The following OTOGL variants were observed in gnomAD, a reference collection of about 807,000 sequenced individuals.
The protein encoded by OTOGL is otogelin like.
Under a neutral mutation model 318.5 loss-of-function variants are expected in OTOGL, and 285 were observed. The ratio of observed to expected loss-of-function variants is 0.89; its 90% CI spans 0.81 to 0.99. The LOEUF (loss-of-function observed/expected upper bound fraction) is 0.99. Ranked by LOEUF, OTOGL falls within the 50% of genes least tolerant of loss-of-function variation. The pLI is 0.00. For synonymous variants in OTOGL, 987 were observed against 936.5 expected, an observed-to-expected ratio of 1.05 and a Z score of -0.99; for missense variants, 2,899 against 2,845.6, an observed-to-expected ratio of 1.02 and a Z score of -0.43.
At chr12:80,225,550 T>G (rs1878756864) in intron 7 of OTOGL, among the ~76,000 whole-genome samples, 1 of 152,142 alleles carries the variant, frequency 6.6e-6, no homozygotes, top group Non-Finnish European at 1.5e-5. Context: ...TGAAAAATGT[T>G]AAAATTATCA....
intron 22 of OTOGL, among the ~76,000 whole-genome samples, chr12:80,269,224 G>C (rs1423070993): frequency 6.6e-6 from 1 of 152,128 alleles, no homozygotes; most frequent in Non-Finnish European, 1.5e-5. Flanking sequence ...CTTAAATATA[G>C]AACATATGAT....
rs1362039339 is a variant in OTOGL at position 80,379,796 on chromosome 12, A to T, written c.*1748A>T. ...AACATTCTCCTAGAACTTTATAAAC[A>T]TTCAACAAATACAGCAAATAAGCAT... On this transcript the variant is annotated 3_prime_UTR_variant, in exon 59 of 59. Transcript: ENST00000547103. 1 of 151,980 alleles carries T rather than the reference A, an allele frequency of 6.6e-6. No individual in the cohort carries two copies. The highest frequency in any genetic ancestry group is 2.1e-4 in the South Asian group (1 of 4,830). The allele number at this position is 151,980 out of a possible 1,614,324, so 9.4% of individuals were successfully genotyped here. A position where few individuals can be genotyped will look rare whatever the true frequency, so the allele number is the denominator to read the frequency against.
chr12:80,117,238 G>A (rs932624090), intron 1 of OTOGL, among the ~76,000 whole-genome samples: 13 of 138,128 alleles, frequency 9.4e-5, no homozygotes, highest in Non-Finnish European at 1.6e-4. Context: ...AAATAGAGGC[G>A]ATAAGCTATC....
chr12:80,296,894 G>A lies in OTOGL; in HGVS notation c.2996G>A (p.Cys999Tyr). Residue 999 changes from cysteine (C) to tyrosine (Y), a missense_variant, in exon 27 of 59, where the codon TGT becomes TAT. Around this residue, in one of 3 missense-constraint regions of OTOGL, gnomAD observed 2,607 missense variants for 2,524.9 expected, o/e 1.03. Coordinates refer to ENST00000547103, the MANE Select transcript of OTOGL (RefSeq NM_001378609.3). ...AAATGCTTTGACAACGATATTGTTT[G>A]TTCTAAAAGTGTTTTGATTTCAGTT... ...NKKCFDNDIV[C>Y]SKSVLISVGD... The A allele has an allele frequency of 6.5e-7, 1 of 1,536,958 alleles. No homozygotes were observed. The highest frequency in any genetic ancestry group is 1.2e-5 in the South Asian group (1 of 84,100).
intron 7 of OTOGL, 72 bp from the exon 8 acceptor site, chr12:80,229,185 A>G: frequency 4.0e-6 from 6 of 1,490,676 alleles, no homozygotes; most frequent in Non-Finnish European, 5.5e-6. Flanking sequence ...GATTGTAAAC[A>G]TACATTGTGG....
intron 1 of OTOGL, among the ~76,000 whole-genome samples, chr12:80,185,327 G>A (rs540997524): frequency 1.3e-5 from 2 of 152,228 alleles, no homozygotes; most frequent in East Asian, 1.9e-4. Context: ...CTGTTGCCCA[G>A]TCTGGAGTGC....
chr12:80,368,996 A>T (rs10862097), intron 55 of OTOGL, among the ~76,000 whole-genome samples: 3 of 151,210 alleles, frequency 2.0e-5, no homozygotes, highest in Non-Finnish European at 4.4e-5. Context: ...TGATATGGTG[A>T]GAAAGTAGTG....
At chr12:80,114,482 G>A (rs145674813) in intron 1 of OTOGL, among the ~76,000 whole-genome samples, 55 of 152,248 alleles carry the variant, frequency 3.6e-4, no homozygotes, top group African/African-American at 7.0e-4. Flanking sequence ...CAAGAGATCT[G>A]CATTAGTCTG....
At chr12:80,275,348 G>T (rs1157080093) in intron 24 of OTOGL, among the ~76,000 whole-genome samples, 1 of 151,874 alleles carries the variant, frequency 6.6e-6, no homozygotes, top group African/African-American at 2.4e-5. Context: ...CAGATGCAAA[G>T]GAAATAGCAA....
chr12:80,208,963 T>C (rs1877025880), intron 1 of OTOGL, among the ~76,000 whole-genome samples: 1 of 152,130 alleles, frequency 6.6e-6, no homozygotes, highest in African/African-American at 2.4e-5. Flanking sequence ...CTAGGAAAGA[T>C]TGACAGGGTT....
intron 1 of OTOGL, among the ~76,000 whole-genome samples, chr12:80,148,182 C>T (rs369164750): frequency 3.8e-4 from 58 of 151,190 alleles, no homozygotes; most frequent in East Asian, 3.3e-3. Flanking sequence ...GATTTTGCAG[C>T]GGCTGGTACC....
chr12:80,158,163 G>C (rs1306863481), intron 1 of OTOGL, among the ~76,000 whole-genome samples: 7 of 152,050 alleles, frequency 4.6e-5, no homozygotes, highest in African/African-American at 1.7e-4. Flanking sequence ...AAAAACAACA[G>C]TGTTTTAAAA....
At chr12:80,333,385 A>G (rs1044703546) in intron 38 of OTOGL, among the ~76,000 whole-genome samples, 2 of 151,492 alleles carry the variant, frequency 1.3e-5, no homozygotes, top group Admixed American at 6.6e-5. Flanking sequence ...TTAAGCATCT[A>G]CTTGATGTCA....
chr12:80,132,536 C>G (rs890470542), intron 1 of OTOGL: 4 of 152,116 alleles, frequency 2.6e-5, no homozygotes, highest in African/African-American at 9.7e-5. Flanking sequence ...TACTTCATAC[C>G]CTTCCCTAGA....
At chr12:80,127,307 G>C (rs1199437397) in intron 1 of OTOGL, among the ~76,000 whole-genome samples, 5 of 152,146 alleles carry the variant, frequency 3.3e-5, no homozygotes, top group African/African-American at 9.6e-5. Context: ...ATGAAGCTTA[G>C]TTTGGCTGGA....
At chr12:80,256,063 G>A (rs1882007450) in intron 16 of OTOGL, among the ~76,000 whole-genome samples, 1 of 151,824 alleles carries the variant, frequency 6.6e-6, no homozygotes, top group Admixed American at 6.6e-5. Context: ...TAAAATGTAT[G>A]TATACATCTG....
intron 35 of OTOGL, among the ~76,000 whole-genome samples, chr12:80,327,048 C>A (rs1887718714): frequency 6.6e-6 from 1 of 152,142 alleles, no homozygotes; most frequent in African/African-American, 2.4e-5. Flanking sequence ...GGCAGATGAG[C>A]AAGCCTTTTT....
At chr12:80,227,502 G>A (rs1878967754) in intron 7 of OTOGL, among the ~76,000 whole-genome samples, 1 of 152,124 alleles carries the variant, frequency 6.6e-6, no homozygotes, top group African/African-American at 2.4e-5. Context: ...TAGAGAATAA[G>A]GCTCTAAAAG....
At chr12:80,215,599 T>A (rs1010286091) in intron 4 of OTOGL, among the ~76,000 whole-genome samples, 17 of 152,098 alleles carry the variant, frequency 1.1e-4, no homozygotes, top group Non-Finnish European at 1.5e-5. Context: ...CCTGAGCGGG[T>A]TGAATAATTT....
Sources: gnomAD v4.1 joint callset for allele counts (sites outside exome capture counted in the v4.1 genomes callset) on GRCh38, gnomAD v4.1.1 for gene constraint, gnomAD v4.1.1 regional missense constraint, MANE v1.5 for transcripts, NCBI Gene and HGNC (gene_info 2026-07-23, HGNC 2026-07-21) for gene names.